KRT31: variants seen among roughly 807,000 people sequenced by gnomAD.
KRT31 encodes keratin, type I cuticular Ha1.
A neutral mutation model predicts 40.8 loss-of-function variants in KRT31; 27 were observed. That is an observed-to-expected ratio of 0.66 (90% confidence interval 0.49 to 0.91). The LOEUF (loss-of-function observed/expected upper bound fraction) is 0.91, where lower values mean the gene tolerates loss of function less well. KRT31 is among the 40% of genes least tolerant of loss of function. The probability of loss-of-function intolerance (pLI) is 0.00; values close to 1 mark genes in which losing one functional copy is unlikely to be tolerated. For missense variants in KRT31, 510 were observed against 544.1 expected, an observed-to-expected ratio of 0.94 and a Z score of 0.62; for synonymous variants, 231 against 231.9, an observed-to-expected ratio of 1.00 and a Z score of 0.03.
Position 41,397,494 on chromosome 17 carries a change from AGCTGGTGCGGCAGCTCAG to A in KRT31, c.28_45del (p.Leu10_Ser15del). 6.4e-7 allele frequency: 1 copy of A among 1,558,228 alleles called. No homozygotes were observed. Among genetic ancestry groups the A allele is most frequent in the Non-Finnish European group, 8.7e-7 (1 of 1,144,060 alleles). ...GGGGGCACGCAGGGCCGGGAGGAGC[AGCTGGTGCGGCAGCTCAG>A]GCTGGGCAGGCAGAAGTTGTAGGGC... On this transcript the variant is annotated inframe_deletion, in exon 1 of 7. Transcript: ENST00000251645.
At position 41,395,485 on chromosome 17, in the gene KRT31, C is replaced by T. The variant is rs936692284; in HGVS notation, c.727G>A (p.Val243Met). 20 of 1,614,098 alleles carry T rather than the reference C, an allele frequency of 1.2e-5. No individual in the cohort carries two copies. In the East Asian group the frequency reaches 3.6e-4, roughly 29 times the overall value. ...ACCTGCGTGGTGAACCATTGCTCCA[C>T]TTCCCTGCGGTTGGTTTCCACCAGG... is the stretch of plus-strand genomic sequence containing the variant. The part of the protein sequence containing the change: ...EALVETNRRE[V>M]EQWFTTQTEE... The change falls in exon 4 of 7, where the codon GTG becomes ATG. Residue 243 changes from valine to methionine, a missense_variant. Coordinates refer to ENST00000251645, the MANE Select transcript of KRT31 (RefSeq NM_002277.3).
chr17:41,397,055 T>A, intron 1 of KRT31, 60 bp from the exon 2 acceptor site: 1 of 1,584,436 alleles, frequency 6.3e-7, no homozygotes, highest in Non-Finnish European at 8.6e-7. Context: ...ATCAACTTTT[T>A]AAAAATGACT....
chr17:41,396,529 T>C lies in KRT31; in HGVS notation c.479A>G (p.Asn160Ser), dbSNP rs2018229427. 6.2e-7 allele frequency: 1 copy of C among 1,614,170 alleles called. No individual in the cohort carries two copies. The highest frequency in any genetic ancestry group is 1.7e-4 in the Middle Eastern group (1 of 6,060). The change falls in exon 3 of 7, where the codon AAC (asparagine) becomes AGC (serine). Residue 160 changes from asparagine to serine, a missense_variant. Transcript: ENST00000251645. The part of the protein sequence containing the change: ...SLRQLVESDI[N>S]GLRRILDELT... The stretch of plus-strand genomic sequence containing the variant: ...CTCATCCAGGATCCTGCGCAGACCG[T>C]TGATGTCCGACTCCACCAGCTGCCG...
intron 6 of KRT31, 22 bp from the exon 7 acceptor site, chr17:41,394,191 G>A (rs369192692): frequency 6.2e-7 from 1 of 1,608,640 alleles, no homozygotes; most frequent in African/African-American, 1.3e-5. Context: ...AGAATGATGT[G>A]GAAAAGTGAG....
In KRT31 at chr17:41,394,909, G is replaced by A. The variant is rs772110327; in HGVS notation, c.1036C>T (p.Arg346Cys). Residue 346 changes from arginine (R) to cysteine (C), a missense_variant, in exon 6 of 7, where the codon CGT (arginine) becomes TGT (cysteine). Coordinates refer to ENST00000251645, the MANE Select transcript of KRT31 (RefSeq NM_002277.3). Reference sequence around the variant, plus strand: ...TTGATCTCACACTCCAGCCGGGCACGCACATCCAGCAGCACCTGGTACTCC... The same window carrying A: ...TTGATCTCACACTCCAGCCGGGCACACACATCCAGCAGCACCTGGTACTCC... ...NQEYQVLLDVRARLECEINTY... is the reference protein window; with the variant it reads ...NQEYQVLLDVCARLECEINTY... 22 of 1,613,536 alleles carry A rather than the reference G, an allele frequency of 1.4e-5. No individual in the cohort carries two copies. Among genetic ancestry groups the A allele is most frequent in the Middle Eastern group, 1.6e-4 (1 of 6,084 alleles).
intron 6 of KRT31, 167 bp downstream of exon 6, chr17:41,394,681 C>T (rs745451860): frequency 4.8e-6 from 4 of 838,918 alleles, no homozygotes; most frequent in Admixed American, 6.2e-5. Context: ...TGCTACCAAA[C>T]CATTTATGTT....
chr17:41,395,607 C>A lies in KRT31; in HGVS notation c.605G>T (p.Arg202Leu), dbSNP rs141617467. The A allele has an allele frequency of 1.2e-6, 2 of 1,614,078 alleles. No individual in the cohort carries two copies. Among genetic ancestry groups the A allele is most frequent in the African/African-American group, 1.3e-5 (1 of 75,048 alleles). ...ATTGAGGCGGTCTCCAAGCTGGCAG[C>A]GCAGGGTATTGACCTCCTATGGATG... ...SNHEQEVNTLRCQLGDRLNVE... is the reference protein window; with the variant it reads ...SNHEQEVNTLLCQLGDRLNVE... The change falls in exon 4 of 7, where the codon CGC becomes CTC. Residue 202 changes from arginine to leucine, a missense_variant. Physicochemically the swap from Arg to Leu is moderately radical, Grantham distance 102. Transcript: ENST00000251645.
At chr17:41,394,276 G>A (rs1400886999) in intron 6 of KRT31, 107 bp from the exon 7 acceptor site, 2 of 1,193,744 alleles carry the variant, frequency 1.7e-6, no homozygotes, top group East Asian at 2.4e-5. Context: ...GACTTGACCT[G>A]GCCTAGAACA....
At chr17:41,395,100 G>C in intron 5 of KRT31, 32 bp from the exon 6 acceptor site, 1 of 1,613,206 alleles carries the variant, frequency 6.2e-7, no homozygotes, top group East Asian at 2.2e-5. Context: ...ATGTCAGAGA[G>C]CTGCTCCTTC....
chr17:41,397,170 A>T (rs2018243994), intron 1 of KRT31, 22 bp downstream of exon 1: 1 of 1,609,892 alleles, frequency 6.2e-7, no homozygotes, highest in Non-Finnish European at 8.5e-7. Context: ...TCTTGCTTGG[A>T]GATGACAGCA....
Position 41,397,550 on chromosome 17 carries a change from G to A in KRT31, c.-11C>T, listed in dbSNP as rs1307298232. 1.3e-6 allele frequency: 2 copies of A among 1,593,328 alleles called. No individual in the cohort carries two copies. The highest frequency in any genetic ancestry group is 1.1e-5 in the South Asian group (1 of 89,750). ...GAAGTTGTAGGGCATAGTGCTGGGA[G>A]GGAGGGAGGGAGTGCCTGGCTGAAG... is the stretch of plus-strand genomic sequence containing the variant. On this transcript the variant is annotated 5_prime_UTR_variant, in exon 1 of 7. Coordinates refer to ENST00000251645, the MANE Select transcript of KRT31 (RefSeq NM_002277.3).
rs746508850 is a variant in KRT31 at position 41,395,558 on chromosome 17, A to T, written c.654T>A (p.Thr218=). 4.3e-6 allele frequency: 7 copies of T among 1,614,076 alleles called. No individual in the cohort carries two copies. In the South Asian group the frequency reaches 6.6e-5, roughly 15 times the overall value. ...CGTTCAGCACCCGATTCAGGTCCAC[A>T]GTGGGAGCAGCATCCACCTCCACAT... ...RLNVEVDAAP[T]VDLNRVLNET... The change falls in exon 4 of 7, where the codon ACT becomes ACA. Residue 218 remains threonine (T), a synonymous_variant. Transcript: ENST00000251645.
In KRT31 at chr17:41,393,934, GC is replaced by G. The variant is rs1402542562; in HGVS notation, c.*81del. On this transcript the variant is annotated 3_prime_UTR_variant, in exon 7 of 7. Coordinates refer to ENST00000251645, the MANE Select transcript of KRT31 (RefSeq NM_002277.3). ...CCAGCCATGCAAATGATGTTTTCAG[GC>G]CCCTTTTGTTGAACCAGAGCCAGGT... 6.8e-7 allele frequency: 1 copy of G among 1,473,488 alleles called. No individual in the cohort carries two copies. The highest frequency in any genetic ancestry group is 1.3e-5 in the South Asian group (1 of 79,490). The allele number at this position is 1,473,488 out of a possible 1,614,324, so 91.3% of individuals were successfully genotyped here. A position where few individuals can be genotyped will look rare whatever the true frequency, so the allele number is the denominator to read the frequency against.
chr17:41,394,211 A>C, intron 6 of KRT31, 42 bp from the exon 7 acceptor site: 1 of 1,604,528 alleles, frequency 6.2e-7, no homozygotes, highest in Non-Finnish European at 8.5e-7. Context: ...GTTAAGGGCA[A>C]TTTTAAAATC....
At chr17:41,394,805 A>C (rs1368637895) in intron 6 of KRT31, 43 bp downstream of exon 6, 1 of 1,610,076 alleles carries the variant, frequency 6.2e-7, no homozygotes, top group Admixed American at 1.7e-5. Flanking sequence ...TGTTACACTC[A>C]CACGTGCATC....
chr17:41,395,238 T>C lies in KRT31; in HGVS notation c.876+7A>G. ...GTCGCTCACCAGCAGGTCTGAACAA[T>C]ACACACCAGGTTGTGCTGGGCCTGC... On this transcript the variant is annotated splice_region_variant and intron_variant, in intron 5 of 6. Coordinates refer to ENST00000251645, the MANE Select transcript of KRT31 (RefSeq NM_002277.3). 6.2e-7 allele frequency: 1 copy of C among 1,612,684 alleles called. No homozygotes were observed. Among genetic ancestry groups the C allele is most frequent in the Non-Finnish European group, 8.5e-7 (1 of 1,180,038 alleles).
chr17:41,396,694 C>G, intron 2 of KRT31, 118 bp from the exon 3 acceptor site: 1 of 1,242,262 alleles, frequency 8.0e-7, no homozygotes, highest in East Asian at 2.5e-5. Flanking sequence ...GCCCAGGAGA[C>G]AGAGGTTTCT....
chr17:41,395,005 C>T lies in KRT31; in HGVS notation c.940G>A (p.Val314Met). Residue 314 changes from valine to methionine, a missense_variant, in exon 6 of 7, where the codon GTG becomes ATG. By Grantham distance (21) the Val-to-Met change is conservative (BLOSUM62 1). Transcript: ENST00000251645. ...TCCACGTTGGTGATCAGGCTCTGCACCTGGGACAGCTGGGAGCTGTAGCGG... is the reference window on the plus strand; with the variant it reads ...TCCACGTTGGTGATCAGGCTCTGCATCTGGGACAGCTGGGAGCTGTAGCGG... ...EARYSSQLSQ[V>M]QSLITNVESQ... The T allele has an allele frequency of 6.2e-7, 1 of 1,614,238 alleles. No homozygotes were observed.
chr17:41,396,754 T>TGA (rs760992710), intron 2 of KRT31, among the ~76,000 whole-genome samples, 159 bp downstream of exon 2: 5 of 152,230 alleles, frequency 3.3e-5, no homozygotes, highest in Non-Finnish European at 7.3e-5. Flanking sequence ...CAGATTGATG[T>TGA]GAGTCCTCAT....
Sources: gnomAD v4.1 joint callset for allele counts (sites outside exome capture counted in the v4.1 genomes callset) on GRCh38, gnomAD v4.1.1 for gene constraint, MANE v1.5 for transcripts, NCBI Gene and HGNC (gene_info 2026-07-23, HGNC 2026-07-21) for gene names.